The following HDAC9 variants were observed in gnomAD, a reference collection of about 807,000 sequenced individuals.
HDAC9 encodes the protein MEF-2 interacting transcription repressor (MITR) protein.
HDAC9 carries 41 observed loss-of-function variants against 139.4 expected under a neutral mutation model. The ratio of observed to expected loss-of-function variants is 0.29; its 90% CI spans 0.23 to 0.38. The LOEUF (loss-of-function observed/expected upper bound fraction) is 0.38. Among genes scored for constraint, HDAC9 ranks in the 10% least tolerant of loss-of-function variants. The probability of loss-of-function intolerance (pLI) is 1.00; values close to 1 mark genes in which losing one functional copy is unlikely to be tolerated. For synonymous variants in HDAC9, 517 were observed against 476.2 expected, an observed-to-expected ratio of 1.09 and a Z score of -1.12; for missense variants, 1,147 against 1,297.0, an observed-to-expected ratio of 0.88 and a Z score of 1.78.
At chr7:18,714,176 T>G (rs934878933) in intron 12 of HDAC9, among the ~76,000 whole-genome samples, 1 of 152,156 alleles carries the variant, frequency 6.6e-6, no homozygotes, top group Admixed American at 6.6e-5. Context: ...AACCAAGGAG[T>G]TTGTTTTTTT....
chr7:18,612,560 G>A (rs1752738672), intron 6 of HDAC9, among the ~76,000 whole-genome samples: 1 of 152,030 alleles, frequency 6.6e-6, no homozygotes, highest in Admixed American at 6.6e-5. Flanking sequence ...GGTTGGAAAA[G>A]AAGATGAGTA....
intron 2 of HDAC9, among the ~76,000 whole-genome samples, chr7:18,270,354 C>T (rs1278280944): frequency 2.0e-5 from 3 of 151,124 alleles, no homozygotes; most frequent in Admixed American, 1.3e-4. Flanking sequence ...GTTACCTTCT[C>T]TGCCACTGAT....
rs570596389 is a variant in HDAC9, at chr7:18,603,882, T to G, written c.664+9853T>G. ...TCCAAGAAAGTGCTTTATTTCTCCT[T>G]CTTGTTTGGGATAATTTGTGTTCTT... On this transcript the variant is annotated intron_variant, in intron 6 of 25. Transcript: ENST00000686413. Among the ~76,000 whole-genome samples, 3 of 152,274 alleles carry G rather than the reference T, an allele frequency of 2.0e-5. No homozygotes were observed. The East Asian group carries it at 5.8e-4, about 29-fold the overall frequency.
intron 2 of HDAC9, among the ~76,000 whole-genome samples, chr7:18,268,043 G>A (rs1796109469): frequency 6.6e-6 from 1 of 152,052 alleles, no homozygotes; most frequent in Non-Finnish European, 1.5e-5. Flanking sequence ...ATTGATGTTG[G>A]TGCTACTCAG....
intron 2 of HDAC9, among the ~76,000 whole-genome samples, chr7:18,246,601 T>C (rs1349508638): frequency 6.6e-6 from 1 of 152,012 alleles, no homozygotes; most frequent in Non-Finnish European, 1.5e-5. Flanking sequence ...GTGAAGAGGC[T>C]CATGTGGGCT....
intron 22 of HDAC9, among the ~76,000 whole-genome samples, chr7:18,907,520 A>C (rs1025866233): frequency 3.3e-5 from 5 of 152,278 alleles, no homozygotes; most frequent in Non-Finnish European, 7.3e-5. Flanking sequence ...AATTCCCTGC[A>C]GATTTTGTGA....
At chr7:18,901,074 T>G (rs531724517) in intron 22 of HDAC9, among the ~76,000 whole-genome samples, 11 of 152,066 alleles carry the variant, frequency 7.2e-5, no homozygotes, top group Non-Finnish European at 1.5e-4. Flanking sequence ...AAAGATTGCT[T>G]AAGTCCTGTG....
intron 25 of HDAC9, among the ~76,000 whole-genome samples, chr7:18,981,884 A>G (rs1317476770): frequency 2.6e-5 from 4 of 152,178 alleles, no homozygotes; most frequent in African/African-American, 9.7e-5. Flanking sequence ...AGAAACAAAC[A>G]TGAACAATCA....
chr7:18,246,823 T>G (rs1025531745), intron 2 of HDAC9, among the ~76,000 whole-genome samples: 1 of 151,878 alleles, frequency 6.6e-6, no homozygotes, highest in Admixed American at 6.6e-5. Flanking sequence ...GACTAGGAGG[T>G]TATCAGTGTA....
At chr7:18,315,664 TC>T (rs1799590509) in intron 1 of HDAC9, among the ~76,000 whole-genome samples, 1 of 152,206 alleles carries the variant, frequency 6.6e-6, no homozygotes, top group South Asian at 2.1e-4. Flanking sequence ...ATTAAATTCA[TC>T]CCCCTTTGGT....
At chr7:18,172,962 T>C (rs568004925) in intron 2 of HDAC9, among the ~76,000 whole-genome samples, 1 of 152,332 alleles carries the variant, frequency 6.6e-6, no homozygotes, top group East Asian at 1.9e-4. Flanking sequence ...AGCTGTCTAT[T>C]AGGTCTGCTT....
chr7:18,386,365 A>G (rs1785930885), intron 1 of HDAC9, among the ~76,000 whole-genome samples: 1 of 152,094 alleles, frequency 6.6e-6, no homozygotes, highest in South Asian at 2.1e-4. Flanking sequence ...ATTTTCTATC[A>G]ACTCCAGTTT....
chr7:18,760,250 C>A (rs563599147), intron 14 of HDAC9, among the ~76,000 whole-genome samples: 3 of 152,252 alleles, frequency 2.0e-5, no homozygotes, highest in South Asian at 2.1e-4. Context: ...CATGGACTTA[C>A]CATTATTTAT....
chr7:18,280,623 C>CAACG (rs1562830021), intron 2 of HDAC9, among the ~76,000 whole-genome samples: 4 of 150,842 alleles, frequency 2.7e-5, no homozygotes, highest in Non-Finnish European at 5.9e-5. Flanking sequence ...AAATAGCTGG[C>CAACG]GTGTTGGCCT....
chr7:18,728,402 AACACACACACACACACACAC>A lies in HDAC9; in HGVS notation c.1909+671_1909+690del, dbSNP rs56281287. ...AAGGCCAAAGGAAGGTTAAGTGTGG[AACACACACACACACACACAC>A]ACACACACACACACACACACACACA... On this transcript the variant is annotated intron_variant, in intron 13 of 25. Transcript: ENST00000686413. Among the ~76,000 whole-genome samples the A allele has an allele frequency of 2.6e-3, 373 of 145,650 alleles. 1 individual carries two copies. Among genetic ancestry groups the A allele is most frequent in the Middle Eastern group, 0.017 (5 of 290 alleles).
At chr7:18,381,221 GGAAAAGAAA>G (rs1785415578) in intron 1 of HDAC9, among the ~76,000 whole-genome samples, 1 of 130,938 alleles carries the variant, frequency 7.6e-6, no homozygotes, top group African/African-American at 2.9e-5. Context: ...AAAAAAAAAA[GGAAAAGAAA>G]AAAAAGAAAA....
chr7:18,479,671 A>G (rs1378063910), intron 1 of HDAC9, among the ~76,000 whole-genome samples: 1 of 152,180 alleles, frequency 6.6e-6, no homozygotes, highest in Non-Finnish European at 1.5e-5. Flanking sequence ...TAATATTAAC[A>G]CTAAATATTG....
intron 2 of HDAC9, among the ~76,000 whole-genome samples, chr7:18,223,998 A>G (rs1384302670): frequency 6.6e-6 from 1 of 152,168 alleles, no homozygotes; most frequent in Non-Finnish European, 1.5e-5. Context: ...TTATCTTTCT[A>G]TTCAGGAAAA....
chr7:18,969,053 A>C (rs1236369181), intron 24 of HDAC9, among the ~76,000 whole-genome samples: 1 of 149,542 alleles, frequency 6.7e-6, no homozygotes, highest in Admixed American at 6.6e-5. Flanking sequence ...TTGGAGATGA[A>C]GTTGCCACAC....
Sources: allele counts gnomAD v4.1 joint callset (sites outside exome capture counted in the v4.1 genomes callset), GRCh38; gene constraint gnomAD v4.1.1; transcripts MANE v1.5; gene names NCBI Gene and HGNC (gene_info 2026-07-23, HGNC 2026-07-21).